The following C2orf92 variants were observed in gnomAD, a reference collection of about 807,000 sequenced individuals.
C2orf92 encodes the protein uncharacterized protein C2orf92.
In C2orf92 at chr2:97,696,007, C is replaced by A. The variant is rs79133511; in HGVS notation, c.404-3019C>A. ...CAAGATTCTTCCAGATTCATTCTCTCACTCAAGACCTAACTACTGATCTGT... is the reference window on the plus strand; with the variant it reads ...CAAGATTCTTCCAGATTCATTCTCTAACTCAAGACCTAACTACTGATCTGT... On this transcript the variant is annotated intron_variant, in intron 5 of 7. Transcript: ENST00000627399. Among the ~76,000 whole-genome samples, 1,212 of 152,288 alleles carry A rather than the reference C, an allele frequency of 8.0e-3. 5 individuals carry two copies. Among genetic ancestry groups the A allele is most frequent in the Non-Finnish European group, 0.013 (854 of 68,026 alleles).
intron 5 of C2orf92, 134 bp from the exon 6 acceptor site, chr2:97,698,892 A>G: frequency 2.5e-6 from 1 of 394,382 alleles, no homozygotes; most frequent in East Asian, 3.6e-5. Context: ...GAGGTTCTGT[A>G]GGACATTTAG....
At chr2:97,666,820 G>A (rs1331629956), upstream of C2orf92, 1 of 148,234 alleles carries the variant, frequency 6.7e-6, no homozygotes, top group African/African-American at 2.5e-5. Flanking sequence ...TCCAGCCTGG[G>A]TGACAGAGCC....
chr2:97,695,832 A>G (rs951067127), intron 5 of C2orf92, among the ~76,000 whole-genome samples: 1 of 151,648 alleles, frequency 6.6e-6, no homozygotes, highest in Non-Finnish European at 1.5e-5. Flanking sequence ...GCTCATTGCA[A>G]CCTCCACCTC....
chr2:97,701,041 G>A (rs548121766), intron 6 of C2orf92, 113 bp from the exon 7 acceptor site: 99 of 392,298 alleles, frequency 2.5e-4, no homozygotes, highest in African/African-American at 1.9e-3. Flanking sequence ...GAGATGCCAA[G>A]GTTTCTATTC....
At chr2:97,665,425 C>G (rs1212343659), upstream of C2orf92, among the ~76,000 whole-genome samples, 1 of 151,688 alleles carries the variant, frequency 6.6e-6, no homozygotes, top group Non-Finnish European at 1.5e-5. Context: ...TGGATCTTGC[C>G]CAGAAGAAAT....
chr2:97,690,794 T>G (rs1319684869), intron 5 of C2orf92, among the ~76,000 whole-genome samples: 1 of 150,402 alleles, frequency 6.6e-6, no homozygotes, highest in Non-Finnish European at 1.5e-5. Context: ...TTGTTTTTTT[T>G]TTTGAGACAG....
intron 1 of C2orf92, chr2:97,671,761 A>G (rs1365089451): frequency 2.9e-6 from 1 of 340,394 alleles, no homozygotes; most frequent in Non-Finnish European, 5.3e-6. Flanking sequence ...ACCTCACACT[A>G]GCTGTGACAC....
upstream of C2orf92, chr2:97,669,599 A>G (rs962889126): frequency 5.1e-6 from 2 of 388,780 alleles, no homozygotes; most frequent in African/African-American, 4.1e-5. Context: ...CAGGGCCACC[A>G]GCATAGCCCC....
At chr2:97,693,487 G>A (rs1348147874) in intron 5 of C2orf92, among the ~76,000 whole-genome samples, 1 of 152,094 alleles carries the variant, frequency 6.6e-6, no homozygotes, top group Non-Finnish European at 1.5e-5. Flanking sequence ...GTTAACATTT[G>A]TTATTACATA....
intron 1 of C2orf92, among the ~76,000 whole-genome samples, chr2:97,673,936 G>T (rs1457101520): frequency 6.6e-6 from 1 of 152,198 alleles, no homozygotes; most frequent in Non-Finnish European, 1.5e-5. Flanking sequence ...AAAACTGAGT[G>T]GTCAAGATCA....
intron 3 of C2orf92, among the ~76,000 whole-genome samples, chr2:97,687,202 A>G (rs986735279): frequency 9.9e-5 from 15 of 152,026 alleles, no homozygotes; most frequent in African/African-American, 3.4e-4. Flanking sequence ...CTGTTTCTAT[A>G]AAAAATTAAA....
chr2:97,674,506 G>C lies in C2orf92; in HGVS notation c.97G>C (p.Asp33His). ...CAAGGTTCCGTATGACCCATCATTT[G>C]ATGAAACAAGAACAGCAGTCAGATC... ...FSKVPYDPSF[D>H]ETRTAVRSIT... The change falls in exon 2 of 8, where the codon GAT becomes CAT. Residue 33 changes from aspartate (D) to histidine (H), a missense_variant. Transcript: ENST00000627399. The C allele has an allele frequency of 2.5e-6, 1 of 398,630 alleles. No homozygotes were observed. Among genetic ancestry groups the C allele is most frequent in the Non-Finnish European group, 4.4e-6 (1 of 226,076 alleles). 24.7% of individuals were successfully genotyped at this position (398,630 alleles called of 1,614,324 possible).
intron 3 of C2orf92, among the ~76,000 whole-genome samples, chr2:97,688,349 G>C (rs1573218989): frequency 6.6e-6 from 1 of 152,184 alleles, no homozygotes; most frequent in East Asian, 1.9e-4. Context: ...TGTTTTCTGT[G>C]ACTTAGCAAG....
At chr2:97,675,790 A>G (rs1675554270) in intron 2 of C2orf92, 55 bp from the exon 3 acceptor site, 1 of 398,948 alleles carries the variant, frequency 2.5e-6, no homozygotes, top group South Asian at 1.3e-4. Flanking sequence ...TCTGAAGGGA[A>G]CAGCTGCAGA....
At chr2:97,677,773 C>T (rs1675631382) in intron 3 of C2orf92, 2 of 152,124 alleles carry the variant, frequency 1.3e-5, no homozygotes, top group Admixed American at 1.3e-4. Context: ...AATCAACCAT[C>T]TTCAAAATGT....
At chr2:97,684,893 T>C (rs969530340) in intron 3 of C2orf92, among the ~76,000 whole-genome samples, 3 of 152,152 alleles carry the variant, frequency 2.0e-5, no homozygotes, top group East Asian at 1.9e-4. Flanking sequence ...ATGCAAAATA[T>C]CACTATTCAC....
intron 6 of C2orf92, 32 bp from the exon 7 acceptor site, chr2:97,701,122 C>G: frequency 2.5e-6 from 1 of 398,704 alleles, no homozygotes; most frequent in Non-Finnish European, 4.4e-6. Context: ...GTGGGTATCT[C>G]TGTTCACTCT....
rs551353212 is a variant in C2orf92, at chr2:97,673,747, C to G, written c.47-709C>G. On this transcript the variant is annotated intron_variant, in intron 1 of 7. Transcript: ENST00000627399. ...TATCTAGATGGCTCGGGGAGGCACA[C>G]CACACACCAGGTCACCTTCCTCTCT... Among the ~76,000 whole-genome samples, 279 of 152,226 alleles carry G rather than the reference C, an allele frequency of 1.8e-3. 1 individual carries two copies. The highest frequency in any genetic ancestry group is 2.8e-3 in the Non-Finnish European group (192 of 68,028).
intron 5 of C2orf92, among the ~76,000 whole-genome samples, chr2:97,695,730 T>C (rs997004282): frequency 1.3e-5 from 2 of 150,140 alleles, no homozygotes; most frequent in African/African-American, 5.0e-5. Flanking sequence ...TTTTTTCTTT[T>C]ATTTTCTTTC....
Sources: gnomAD v4.1 joint callset for allele counts (sites outside exome capture counted in the v4.1 genomes callset) on GRCh38, gnomAD v4.1.1 for gene constraint, MANE v1.5 for transcripts, NCBI Gene and HGNC (gene_info 2026-07-23, HGNC 2026-07-21) for gene names.